Variants in WWP2 observed in about 807,000 individuals in gnomAD.
WWP2 encodes WW domain containing E3 ubiquitin protein ligase 2, also known as NEDD4-like E3 ubiquitin-protein ligase WWP2.
Under a neutral mutation model 121.0 loss-of-function variants are expected in WWP2, and 57 were observed. The observed-to-expected ratio is 0.47, with a 90% CI of 0.38 to 0.59. WWP2 has a LOEUF of 0.59. Ranked by LOEUF, WWP2 falls within the 20% of genes least tolerant of loss-of-function variation. WWP2 has a pLI of 0.00. For missense variants in WWP2, 962 were observed against 1,158.9 expected, an observed-to-expected ratio of 0.83 and a Z score of 2.47; for synonymous variants, 449 against 441.3, an observed-to-expected ratio of 1.02 and a Z score of -0.22.
At chr16:69,857,836 A>G (rs974963140) in intron 6 of WWP2, among the ~76,000 whole-genome samples, 1 of 150,484 alleles carries the variant, frequency 6.6e-6, no homozygotes, top group African/African-American at 2.4e-5. Context: ...TAATTTTTAA[A>G]TTTTTTTTTG....
In WWP2 at chr16:69,921,025, A is replaced by G. The variant is rs1167521585; in HGVS notation, c.1179+3142A>G. Among the ~76,000 whole-genome samples, 3 of 152,162 alleles carry G rather than the reference A, an allele frequency of 2.0e-5. No individual in the cohort carries two copies. The East Asian group carries it at 5.8e-4, about 29-fold the overall frequency. ...CTTGGAGGGTTCCCTAGAAGTAAAAATTAAACACTAAAAAATTCTTCTTTC... is the reference window on the plus strand; with the variant it reads ...CTTGGAGGGTTCCCTAGAAGTAAAAGTTAAACACTAAAAAATTCTTCTTTC... On this transcript the variant is annotated intron_variant, in intron 10 of 23. Coordinates refer to ENST00000359154, the MANE Select transcript of WWP2 (RefSeq NM_001270454.2).
At chr16:69,917,278 T>C (rs1159933560) in intron 9 of WWP2, among the ~76,000 whole-genome samples, 3 of 152,218 alleles carry the variant, frequency 2.0e-5, no homozygotes, top group Admixed American at 6.5e-5. Context: ...TGGGTCAACT[T>C]CCTATTGTCT....
intron 1 of WWP2, among the ~76,000 whole-genome samples, chr16:69,769,331 A>G (rs2055365447): frequency 6.6e-6 from 1 of 151,920 alleles, no homozygotes; most frequent in South Asian, 2.1e-4. Flanking sequence ...AAAAAAAAAA[A>G]AAAAAAATAG....
At chr16:69,816,227 T>C (rs1260640731) in intron 4 of WWP2, among the ~76,000 whole-genome samples, 3 of 152,084 alleles carry the variant, frequency 2.0e-5, no homozygotes, top group Non-Finnish European at 4.4e-5. Context: ...TTATTATTAA[T>C]ATTTTGTATG....
At chr16:69,915,380 A>C (rs143225042) in intron 9 of WWP2, among the ~76,000 whole-genome samples, 1 of 152,316 alleles carries the variant, frequency 6.6e-6, no homozygotes, top group East Asian at 1.9e-4. Context: ...CATCTTTGGT[A>C]GTGGAAAGTC....
At chr16:69,817,659 C>CTTTT (rs200998762) in intron 4 of WWP2, among the ~76,000 whole-genome samples, 10 of 119,952 alleles carry the variant, frequency 8.3e-5, no homozygotes, top group African/African-American at 3.2e-4. Flanking sequence ...TTGTTAAACT[C>CTTTT]TTTTTTTTTT....
chr16:69,889,577 CA>C (rs1314181095), intron 8 of WWP2, among the ~76,000 whole-genome samples: 1 of 152,144 alleles, frequency 6.6e-6, no homozygotes, highest in African/African-American at 2.4e-5. Context: ...AGATGGTGAA[CA>C]TGAAGCCCTC....
intron 1 of WWP2, among the ~76,000 whole-genome samples, chr16:69,785,605 C>T (rs2055769854): frequency 6.6e-6 from 1 of 151,558 alleles, no homozygotes; most frequent in Non-Finnish European, 1.5e-5. Context: ...AGGGACACCT[C>T]ATGGCGAATG....
chr16:69,764,430 C>T (rs1458026191), intron 1 of WWP2, among the ~76,000 whole-genome samples: 1 of 152,098 alleles, frequency 6.6e-6, no homozygotes, highest in Non-Finnish European at 1.5e-5. Flanking sequence ...GGGGCTCAAG[C>T]GATCCTCCCA....
intron 6 of WWP2, among the ~76,000 whole-genome samples, chr16:69,851,622 GT>G (rs1391762184): frequency 6.6e-6 from 1 of 152,064 alleles, no homozygotes; most frequent in Non-Finnish European, 1.5e-5. Context: ...TTGCTTCCAA[GT>G]TTTGGCAATG....
At position 69,923,216 on chromosome 16, in the gene WWP2, C is replaced by T. The variant is rs571926895; in HGVS notation, c.1180-2214C>T. On this transcript the variant is annotated intron_variant, in intron 10 of 23. Coordinates refer to ENST00000359154, the MANE Select transcript of WWP2 (RefSeq NM_001270454.2). Reference sequence around the variant, plus strand: ...CCATGACTCCACAATTACTTTTGCACCAACCTAATAAATGTTGTTTGTGTT... The same window carrying T: ...CCATGACTCCACAATTACTTTTGCATCAACCTAATAAATGTTGTTTGTGTT... Among the ~76,000 whole-genome samples, 5 of 147,630 alleles carry T rather than the reference C, an allele frequency of 3.4e-5. No homozygotes were observed. In the South Asian group the frequency reaches 6.4e-4, roughly 19 times the overall value.
intron 1 of WWP2, among the ~76,000 whole-genome samples, chr16:69,772,429 G>A (rs2055437112): frequency 6.6e-6 from 1 of 152,116 alleles, no homozygotes; most frequent in Admixed American, 6.6e-5. Context: ...GTTAGTCTGG[G>A]TAGGTTCTTG....
intron 6 of WWP2, among the ~76,000 whole-genome samples, chr16:69,842,629 C>T (rs1448851424): frequency 6.6e-6 from 1 of 152,184 alleles, no homozygotes; most frequent in Non-Finnish European, 1.5e-5. Flanking sequence ...GGCCTCCACT[C>T]TCCGGCTATA....
chr16:69,851,077 C>A (rs2057201713), intron 6 of WWP2, among the ~76,000 whole-genome samples: 1 of 146,068 alleles, frequency 6.8e-6, no homozygotes, highest in Non-Finnish European at 1.5e-5. Flanking sequence ...GTGGCTCAAT[C>A]TCAGCTTACT....
chr16:69,922,547 C>T (rs747228442), intron 10 of WWP2, among the ~76,000 whole-genome samples: 1 of 152,260 alleles, frequency 6.6e-6, no homozygotes, highest in Non-Finnish European at 1.5e-5. Context: ...TGCAGAGTCC[C>T]GCTTTCCCCC....
At chr16:69,885,144 C>CA (rs766923825) in intron 7 of WWP2, among the ~76,000 whole-genome samples, 39 of 149,360 alleles carry the variant, frequency 2.6e-4, no homozygotes, top group African/African-American at 4.6e-4. Flanking sequence ...CACACACATT[C>CA]TTCTTCTTTA....
chr16:69,785,148 A>T (rs2055756668), intron 1 of WWP2, among the ~76,000 whole-genome samples: 1 of 150,898 alleles, frequency 6.6e-6, no homozygotes, highest in African/African-American at 2.4e-5. Flanking sequence ...CACGAGAATC[A>T]CTTCAACTTG....
In WWP2 at chr16:69,816,551, G is replaced by A. The variant is rs551110724; in HGVS notation, c.340+17256G>A. Among the ~76,000 whole-genome samples, 335 of 150,058 alleles carry A rather than the reference G, an allele frequency of 2.2e-3. 2 individuals are homozygous for A. The highest frequency in any genetic ancestry group is 5.6e-3 in the South Asian group (27 of 4,788). On this transcript the variant is annotated intron_variant, in intron 4 of 23. Transcript: ENST00000359154. ...GCTAATAAAATAAAAAGTAAAAAAA[G>A]CAATACAGGCTCATAAAATTAAAAA...
intron 9 of WWP2, among the ~76,000 whole-genome samples, chr16:69,914,286 C>T (rs558174765): frequency 1.3e-5 from 2 of 151,992 alleles, no homozygotes; most frequent in East Asian, 1.9e-4. Flanking sequence ...TCACCACACG[C>T]CTAGCCCAGA....
Sources: gnomAD v4.1 joint callset for allele counts (sites outside exome capture counted in the v4.1 genomes callset) on GRCh38, gnomAD v4.1.1 for gene constraint, MANE v1.5 for transcripts, NCBI Gene and HGNC (gene_info 2026-07-23, HGNC 2026-07-21) for gene names.